TIMM23: variants seen among roughly 807,000 people sequenced by gnomAD.
TIMM23 encodes mitochondrial import inner membrane translocase subunit Tim23.
In TIMM23, 19 loss-of-function variants were observed where a neutral mutation model predicts 30.7. The ratio of observed to expected loss-of-function variants is 0.62; its 90% CI spans 0.43 to 0.91. The LOEUF (loss-of-function observed/expected upper bound fraction) is 0.91, where lower values mean the gene tolerates loss of function less well. Ranked by LOEUF, TIMM23 falls within the 40% of genes least tolerant of loss-of-function variation. The pLI is 0.00. For synonymous variants in TIMM23, 78 were observed against 98.5 expected (o/e 0.79, Z 1.23); for missense variants, 202 against 269.2 (o/e 0.75, Z 1.75).
At chr10:45,991,211 G>A (rs1433437496) in intron 6 of TIMM23, among the ~76,000 whole-genome samples, 2 of 152,232 alleles carry the variant, frequency 1.3e-5, no homozygotes, top group Non-Finnish European at 2.9e-5. Flanking sequence ...TAAGGAAGGT[G>A]TGGGAGAAAA....
rs782013689 is a variant in TIMM23, at chr10:45,993,244, CT to C, written c.514+4414del. On this transcript the variant is annotated intron_variant, in intron 6 of 6. Transcript: ENST00000580018. Reference sequence around the variant, plus strand: ...TTGCCAGTGTGAGCATCTACCATCACTTTTTTTTTTTTTTTTTGGAGACTGA... The same window carrying C: ...TTGCCAGTGTGAGCATCTACCATCACTTTTTTTTTTTTTTTTGGAGACTGA... Among the ~76,000 whole-genome samples the C allele has an allele frequency of 9.3e-3, 667 of 72,040 alleles. 66 individuals carry two copies. Among genetic ancestry groups the C allele is most frequent in the African/African-American group, 0.041 (599 of 14,740 alleles). The allele number at this position is 72,040 out of a possible 152,430, so 47.3% of individuals were successfully genotyped here. A position where few individuals can be genotyped will look rare whatever the true frequency, so the allele number is the denominator to read the frequency against.
At chr10:45,972,783 C>A in intron 1 of TIMM23, 53 bp downstream of exon 1, 1 of 1,603,566 alleles carries the variant, frequency 6.2e-7, no homozygotes, top group South Asian at 1.1e-5. Context: ...TGCGTCTACA[C>A]TAAGTTGCGC....
intron 6 of TIMM23, among the ~76,000 whole-genome samples, chr10:45,999,701 C>T (rs1477683161): frequency 5.9e-5 from 9 of 152,126 alleles, no homozygotes; most frequent in Non-Finnish European, 1.3e-4. Flanking sequence ...TTGATAACAT[C>T]TTATCAGGAG....
At chr10:45,986,819 G>A in intron 5 of TIMM23, among the ~76,000 whole-genome samples, 1 of 151,678 alleles carries the variant, frequency 6.6e-6, no homozygotes, top group East Asian at 1.9e-4. Context: ...GTGTGTGTGT[G>A]TGTGTATGTG....
intron 6 of TIMM23, among the ~76,000 whole-genome samples, chr10:45,998,949 C>T (rs1038685136): frequency 4.6e-5 from 7 of 150,750 alleles, no homozygotes; most frequent in Non-Finnish European, 7.4e-5. Flanking sequence ...TCTTTTGCTT[C>T]AGCCTCCCAC....
In TIMM23 at chr10:46,003,491, C is replaced by T. The variant is rs541039406; in HGVS notation, c.*173C>T. 2 of 540,080 alleles carry T rather than the reference C, an allele frequency of 3.7e-6. No individual in the cohort carries two copies. Among genetic ancestry groups the T allele is most frequent in the South Asian group, 4.5e-5 (2 of 44,936 alleles). The allele number at this position is 540,080 out of a possible 1,614,324, so 33.5% of individuals were successfully genotyped here. ...TGACCAAGACTGGCACTTGTTCCAG[C>T]CATTAGTGAGTTGAAGCCAAAGCCC... is the stretch of plus-strand genomic sequence containing the variant. On this transcript the variant is annotated 3_prime_UTR_variant, in exon 7 of 7. Transcript: ENST00000580018.
At chr10:45,992,095 T>C (rs1162516781) in intron 6 of TIMM23, among the ~76,000 whole-genome samples, 1 of 152,072 alleles carries the variant, frequency 6.6e-6, no homozygotes, top group Non-Finnish European at 1.5e-5. Context: ...GCCTGCCCAG[T>C]GGTTCAGACT....
Position 45,998,370 on chromosome 10 carries a change from A to G in TIMM23, c.515-4833A>G, listed in dbSNP as rs1838411592. Reference sequence around the variant, plus strand: ...GCTTGCCTATCGCTTTGGAAGAACTACATAAGGATCCCAAAATACAGGAGG... The same window carrying G: ...GCTTGCCTATCGCTTTGGAAGAACTGCATAAGGATCCCAAAATACAGGAGG... On this transcript the variant is annotated intron_variant, in intron 6 of 6. Coordinates refer to ENST00000580018, the MANE Select transcript of TIMM23 (RefSeq NM_006327.4). The G allele has an allele frequency of 5.1e-6, 5 of 985,278 alleles. No individual in the cohort carries two copies. In the South Asian group the frequency reaches 2.3e-4, roughly 46 times the overall value. The allele number at this position is 985,278 out of a possible 1,614,324, so 61.0% of individuals were successfully genotyped here.
chr10:45,979,913 G>C (rs1837794269), intron 2 of TIMM23, among the ~76,000 whole-genome samples: 1 of 151,968 alleles, frequency 6.6e-6, no homozygotes, highest in African/African-American at 2.4e-5. Context: ...TCTACACTTA[G>C]AGGTTGTACT....
chr10:45,977,634 G>T (rs1396655368), intron 2 of TIMM23, among the ~76,000 whole-genome samples: 7 of 152,254 alleles, frequency 4.6e-5, no homozygotes, highest in Admixed American at 4.6e-4. Context: ...CTTTGGATTA[G>T]ACTGTGATTT....
intron 6 of TIMM23, among the ~76,000 whole-genome samples, chr10:45,997,902 G>C (rs970373754): frequency 6.6e-6 from 1 of 152,124 alleles, no homozygotes; most frequent in Admixed American, 6.5e-5. Flanking sequence ...GGTTAAGGTG[G>C]TAAAATTTAT....
intron 6 of TIMM23, among the ~76,000 whole-genome samples, chr10:45,995,133 A>T (rs1838289257): frequency 6.6e-6 from 1 of 151,722 alleles, no homozygotes; most frequent in Non-Finnish European, 1.5e-5. Context: ...ACATAGAATT[A>T]ATGAGTATTC....
At chr10:45,997,703 G>T (rs1372374034) in intron 6 of TIMM23, among the ~76,000 whole-genome samples, 1 of 152,070 alleles carries the variant, frequency 6.6e-6, no homozygotes, top group Admixed American at 6.6e-5. Context: ...TACTTAGGAG[G>T]TTGTTGTGGG....
At chr10:45,986,815 G>GTT (rs2132261410) in intron 5 of TIMM23, among the ~76,000 whole-genome samples, 1 of 151,686 alleles carries the variant, frequency 6.6e-6, no homozygotes, top group South Asian at 2.1e-4. Flanking sequence ...GTGTGTGTGT[G>GTT]TGTGTGTGTA....
At position 45,972,621 on chromosome 10, in the gene TIMM23, TA is replaced by T. The variant is rs781825872; in HGVS notation, c.-3del. Reference sequence around the variant, plus strand: ...GCGGGAACCACTCGGTTTGCTGCGATACCATGGAAGGAGGCGGGGGAAGCGG... The same window carrying T: ...GCGGGAACCACTCGGTTTGCTGCGATCCATGGAAGGAGGCGGGGGAAGCGG... On this transcript the variant is annotated 5_prime_UTR_variant, in exon 1 of 7. Transcript: ENST00000580018. 1 of 1,613,354 alleles carries T rather than the reference TA, an allele frequency of 6.2e-7. No individual in the cohort carries two copies. The highest frequency in any genetic ancestry group is 1.7e-5 in the Admixed American group (1 of 59,992).
chr10:45,992,609 G>A (rs1176930317), intron 6 of TIMM23: 16 of 430,134 alleles, frequency 3.7e-5, no homozygotes, highest in Middle Eastern at 3.4e-4. Flanking sequence ...CCAGGCTGCA[G>A]TGCAGTGGCA....
intron 6 of TIMM23, among the ~76,000 whole-genome samples, chr10:45,999,416 A>G (rs1383328389): frequency 1.3e-5 from 2 of 152,126 alleles, no homozygotes; most frequent in Non-Finnish European, 2.9e-5. Flanking sequence ...ATAAAGGGAC[A>G]GGGTACAAAA....
chr10:46,000,042 T>C (rs1220831746), intron 6 of TIMM23, among the ~76,000 whole-genome samples: 1 of 152,208 alleles, frequency 6.6e-6, no homozygotes, highest in Non-Finnish European at 1.5e-5. Context: ...ACATTGCTGG[T>C]ACCCTGTTCT....
At chr10:45,998,265 GCCACTAATCAACCCTATATC>G in intron 6 of TIMM23, 3 of 424,734 alleles carry the variant, frequency 7.1e-6, no homozygotes, top group African/African-American at 6.4e-5. Context: ...CATTAGTTCT[GCCACTAATCAACCCTATATC>G]CCACAAACAA....
Sources: allele counts gnomAD v4.1 joint callset (sites outside exome capture counted in the v4.1 genomes callset), GRCh38; gene constraint gnomAD v4.1.1; transcripts MANE v1.5; gene names NCBI Gene and HGNC (gene_info 2026-07-23, HGNC 2026-07-21).